Variants in LIMS2 observed in about 807,000 individuals in gnomAD.
The protein encoded by LIMS2 is LIM and senescent cell antigen-like-containing domain protein 2.
A neutral mutation model predicts 45.3 loss-of-function variants in LIMS2; 30 were observed. That is an observed-to-expected ratio of 0.66 (90% CI 0.50 to 0.90). The LOEUF (loss-of-function observed/expected upper bound fraction) is 0.90, where lower values mean the gene tolerates loss of function less well. Ranked by LOEUF, LIMS2 falls within the 40% of genes least tolerant of loss-of-function variation. The pLI, the probability that LIMS2 is intolerant of heterozygous loss-of-function variation, is 0.00. For synonymous variants in LIMS2, 173 were observed against 188.0 expected, an observed-to-expected ratio of 0.92 and a Z score of 0.65; for missense variants, 485 against 468.7, an observed-to-expected ratio of 1.03 and a Z score of -0.32.
In LIMS2 at chr2:127,640,306, C is replaced by G. The variant is rs775275678; in HGVS notation, c.766G>C (p.Val256Leu). 1 of 1,613,014 alleles carries G rather than the reference C, an allele frequency of 6.2e-7. No individual in the cohort carries two copies. Among genetic ancestry groups the G allele is most frequent in the South Asian group, 1.1e-5 (1 of 91,042 alleles). The change falls in exon 8 of 10, where the codon GTC becomes CTC. Residue 256 changes from valine (V) to leucine (L), a missense_variant. Val to Leu is a conservative substitution (Grantham distance 32). Coordinates refer to ENST00000355119, the MANE Select transcript of LIMS2 (RefSeq NM_001161403.3). ...ATCACATGGCTGCAGTTGTAGCAGA[C>G]GTCCCCGAAGAGCTGTGGGCCGAGC... ...ETHYNQLFGD[V>L]CYNCSHVIEG...
At chr2:127,657,337 G>A (rs1351856835) in intron 2 of LIMS2, 66 bp downstream of exon 2, 26 of 1,594,474 alleles carry the variant, frequency 1.6e-5, no homozygotes, top group Admixed American at 3.4e-5. Flanking sequence ...CATGGAGCCC[G>A]GCCCACCCGC....
chr2:127,660,430 G>A (rs72843394), intron 1 of LIMS2, among the ~76,000 whole-genome samples: 12,658 of 152,186 alleles, frequency 0.083, 582 homozygotes, highest in Middle Eastern at 0.14. Flanking sequence ...TGTTCACAGC[G>A]AAGGTCTGCA....
chr2:127,664,609 G>A lies in LIMS2; in HGVS notation c.12-7047C>T. 3 of 1,117,666 alleles carry A rather than the reference G, an allele frequency of 2.7e-6. No homozygotes were observed. The highest frequency in any genetic ancestry group is 1.6e-5 in the African/African-American group (1 of 60,708). 69.2% of individuals were successfully genotyped at this position (1,117,666 alleles called of 1,614,324 possible). ...TAGAAAGGATATTGTTCGCGCCGCG[G>A]GGGCAGCTCCTGAAAGCTGAGGCTG... On this transcript the variant is annotated intron_variant, in intron 1 of 9. Transcript: ENST00000355119. The surrounding 1 kb of genome is among the most constrained non-coding windows in gnomAD (Gnocchi z 5.5).
Position 127,653,127 on chromosome 2 carries a change from A to G in LIMS2, c.359+1297T>C, listed in dbSNP as rs1489583928. Reference sequence around the variant, plus strand: ...CAATGCCAGGCACCGCCCAGCTCCGAGGACAGTGGGCCGGACGCCAGGCCC... The same window carrying G: ...CAATGCCAGGCACCGCCCAGCTCCGGGGACAGTGGGCCGGACGCCAGGCCC... On this transcript the variant is annotated intron_variant, in intron 4 of 9. Transcript: ENST00000355119. The surrounding 1 kb of genome is among the most constrained non-coding windows in gnomAD (Gnocchi z 5.3). Among the ~76,000 whole-genome samples, 1 of 152,164 alleles carries G rather than the reference A, an allele frequency of 6.6e-6. No homozygotes were observed. The highest frequency in any genetic ancestry group is 2.4e-5 in the African/African-American group (1 of 41,432).
Position 127,664,493 on chromosome 2 carries a change from A to G in LIMS2, c.12-6931T>C, listed in dbSNP as rs899266518. On this transcript the variant is annotated intron_variant, in intron 1 of 9. Transcript: ENST00000355119. This position sits in a 1 kb window ranked among gnomAD's most constrained non-coding sequence, Gnocchi z 5.5. The stretch of plus-strand genomic sequence containing the variant: ...CGGCCGCCTGGGGCCAGACACCAAG[A>G]CGGGACGGGCGTGTGGGCGCCTCCC... The G allele has an allele frequency of 1.7e-6, 2 of 1,164,856 alleles. No individual in the cohort carries two copies. Among genetic ancestry groups the G allele is most frequent in the Non-Finnish European group, 1.1e-6 (1 of 945,224 alleles). 72.2% of individuals were successfully genotyped at this position (1,164,856 alleles called of 1,614,324 possible).
At chr2:127,640,388 A>G (rs1329083931) in intron 7 of LIMS2, 70 bp from the exon 8 acceptor site, 5 of 1,525,742 alleles carry the variant, frequency 3.3e-6, no homozygotes, top group Non-Finnish European at 4.5e-6. Flanking sequence ...TCATGCAGCC[A>G]GCCTGGCCCT....
Position 127,648,948 on chromosome 2 carries a change from AGGGGAGGGGAGGGGAGGG to A in LIMS2, c.359+5458_359+5475del, listed in dbSNP as rs1404119409. Among the ~76,000 whole-genome samples, 55 of 31,334 alleles carry A rather than the reference AGGGGAGGGGAGGGGAGGG, an allele frequency of 1.8e-3. 1 individual carries two copies. Among genetic ancestry groups the A allele is most frequent in the African/African-American group, 7.3e-3 (52 of 7,172 alleles). The allele number at this position is 31,334 out of a possible 152,430, so 20.6% of individuals were successfully genotyped here. On this transcript the variant is annotated intron_variant, in intron 4 of 9. Coordinates refer to ENST00000355119, the MANE Select transcript of LIMS2 (RefSeq NM_001161403.3). ...AAAGAAAAAAAGAAAAAAGAGAGGG[AGGGGAGGGGAGGGGAGGG>A]GGGGAGGGGAGGGAGGGGAGGGGAG...
rs920190769 is a variant in LIMS2, at chr2:127,642,669, G to T, written c.509+254C>A. 2 of 526,828 alleles carry T rather than the reference G, an allele frequency of 3.8e-6. No individual in the cohort carries two copies. Among genetic ancestry groups the T allele is most frequent in the Non-Finnish European group, 6.8e-6 (2 of 294,116 alleles). 32.6% of individuals were successfully genotyped at this position (526,828 alleles called of 1,614,324 possible). ...CTCAACCCTCGTCTGCAGTCTAGGG[G>T]TCCAGCCCACCCGCCTCCTGAGTCT... On this transcript the variant is annotated intron_variant, in intron 5 of 9. Coordinates refer to ENST00000355119, the MANE Select transcript of LIMS2 (RefSeq NM_001161403.3). The surrounding 1 kb of genome is among the most constrained non-coding windows in gnomAD (Gnocchi z 5.3).
chr2:127,661,711 T>C (rs1046708877), intron 1 of LIMS2, among the ~76,000 whole-genome samples: 3 of 152,176 alleles, frequency 2.0e-5, no homozygotes, highest in African/African-American at 7.2e-5. Context: ...GGCTCTCAGT[T>C]TTGACAGCCA....
upstream of LIMS2, among the ~76,000 whole-genome samples, chr2:127,676,297 G>A (rs1240610614): frequency 6.6e-6 from 1 of 152,056 alleles, no homozygotes; most frequent in East Asian, 1.9e-4. Context: ...AACTGGTGCC[G>A]TTCAGAAAGA....
At chr2:127,646,980 C>T (rs1683057842) in intron 4 of LIMS2, among the ~76,000 whole-genome samples, 2 of 152,228 alleles carry the variant, frequency 1.3e-5, no homozygotes, top group African/African-American at 2.4e-5. Context: ...AAAATGGAGT[C>T]TCAGTCCCAG....
At chr2:127,681,048 T>G (rs529718590) in intron 1 of LIMS2, among the ~76,000 whole-genome samples, 3 of 152,194 alleles carry the variant, frequency 2.0e-5, no homozygotes, top group Non-Finnish European at 4.4e-5. Flanking sequence ...CTTGTTCCAC[T>G]CTGTCCAGGG....
chr2:127,673,841 G>T, intron 1 of LIMS2: 3 of 1,046,608 alleles, frequency 2.9e-6, no homozygotes, highest in Non-Finnish European at 1.4e-6. Context: ...ACCACAGGCA[G>T]CCAGTGGGCC....
chr2:127,640,424 C>A, intron 7 of LIMS2, 106 bp from the exon 8 acceptor site: 1 of 1,246,352 alleles, frequency 8.0e-7, no homozygotes, highest in Non-Finnish European at 1.1e-6. Flanking sequence ...TCAGGCATCT[C>A]CCAGGCCCTG....
chr2:127,670,633 T>A (rs938496460), intron 1 of LIMS2, among the ~76,000 whole-genome samples: 3 of 152,256 alleles, frequency 2.0e-5, no homozygotes, highest in Non-Finnish European at 4.4e-5. Context: ...ATATGTGAAC[T>A]ATGTCTCAGA....
chr2:127,673,695 T>C (rs998195565), intron 1 of LIMS2: 2 of 1,551,496 alleles, frequency 1.3e-6, no homozygotes, highest in Non-Finnish European at 1.7e-6. Flanking sequence ...TCAATGCTGC[T>C]GCTGGGGCTG....
At position 127,673,727 on chromosome 2, in the gene LIMS2, C is replaced by T. The variant is rs779917750; in HGVS notation, c.11+1287G>A. On this transcript the variant is annotated intron_variant, in intron 1 of 9. Transcript: ENST00000355119. The stretch of plus-strand genomic sequence containing the variant: ...GCTGCTCCGGACCCTGTTCCTGTCT[C>T]TCCCCACTTTCTTTTCCTAGAAAAC... The T allele has an allele frequency of 1.9e-6, 3 of 1,551,426 alleles. No homozygotes were observed. The South Asian group carries it at 3.6e-5, about 18-fold the overall frequency.
chr2:127,641,035 G>C (rs771189212), intron 6 of LIMS2, 47 bp from the exon 7 acceptor site: 2 of 1,501,194 alleles, frequency 1.3e-6, no homozygotes, highest in African/African-American at 2.8e-5. Flanking sequence ...CTAGAGCGGT[G>C]ACCCCGAGGG....
intron 4 of LIMS2, chr2:127,645,754 C>T (rs79615791): frequency 0.034 from 5,157 of 152,406 alleles, 113 homozygotes; most frequent in Non-Finnish European, 0.045. Context: ...TCCCACCCTC[C>T]GTTCACAGGC....
Sources: allele counts gnomAD v4.1 joint callset (sites outside exome capture counted in the v4.1 genomes callset), GRCh38; gene constraint gnomAD v4.1.1; non-coding constraint Gnocchi (gnomAD v3.1); transcripts MANE v1.5; gene names NCBI Gene and HGNC (gene_info 2026-07-23, HGNC 2026-07-21).